The following GSTZ1 variants were observed in gnomAD, a reference collection of about 807,000 sequenced individuals.
The protein encoded by GSTZ1 is maleylacetoacetate isomerase.
A neutral mutation model predicts 35.9 loss-of-function variants in GSTZ1; 34 were observed. The ratio of observed to expected loss-of-function variants is 0.95; its 90% CI spans 0.72 to 1.26. The LOEUF is 1.26. GSTZ1 is among the 50% of genes most tolerant of loss of function. GSTZ1 has a pLI of 0.00. For missense variants in GSTZ1, 263 were observed against 271.7 expected, an observed-to-expected ratio of 0.97 and a Z score of 0.23; for synonymous variants, 93 against 101.2, an observed-to-expected ratio of 0.92 and a Z score of 0.49.
Position 77,327,664 on chromosome 14 carries a change from C to G in GSTZ1, c.216+112C>G. 8 of 811,102 alleles carry G rather than the reference C, an allele frequency of 9.9e-6. No homozygotes were observed. In the Admixed American group the frequency reaches 1.6e-4, roughly 17 times the overall value. The allele number at this position is 811,102 out of a possible 1,614,324, so 50.2% of individuals were successfully genotyped here. The stretch of plus-strand genomic sequence containing the variant: ...CAAGGTGCCTAGCACATAGGAGAGG[C>G]TCAATACAAGACTCGTGGGGAGGGT... On this transcript the variant is annotated intron_variant, in intron 4 of 8. Coordinates refer to ENST00000216465, the MANE Select transcript of GSTZ1 (RefSeq NM_145870.3).
chr14:77,321,851 C>G (rs1411424943), intron 1 of GSTZ1, among the ~76,000 whole-genome samples: 1 of 151,358 alleles, frequency 6.6e-6, no homozygotes, highest in Non-Finnish European at 1.5e-5. Context: ...CCACTGCACT[C>G]CAGCCTGGGC....
chr14:77,324,944 G>A, intron 2 of GSTZ1, 23 bp downstream of exon 2: 1 of 1,592,594 alleles, frequency 6.3e-7, no homozygotes, highest in Non-Finnish European at 8.6e-7. Context: ...CCTCCTCCAG[G>A]ATGAGTGCTG....
chr14:77,329,227 C>T, intron 6 of GSTZ1, 26 bp downstream of exon 6: 1 of 1,427,196 alleles, frequency 7.0e-7, no homozygotes, highest in African/African-American at 1.4e-5. Context: ...TGTGAGCTGC[C>T]CCACAGTGGC....
chr14:77,330,342 G>T lies in GSTZ1; in HGVS notation c.507G>T (p.Gln169His). The T allele has an allele frequency of 6.2e-7, 1 of 1,613,850 alleles. No homozygotes were observed. The highest frequency in any genetic ancestry group is 8.5e-7 in the Non-Finnish European group (1 of 1,179,734). ...VTMADLCLVP[Q>H]VANAERFKVD... Reference sequence around the variant, plus strand: ...TGGCTGATCTGTGCTTGGTGCCTCAGGTGGCAAATGCTGAAAGGTAAGAGA... The same window carrying T: ...TGGCTGATCTGTGCTTGGTGCCTCATGTGGCAAATGCTGAAAGGTAAGAGA... Residue 169 changes from glutamine to histidine, a missense_variant, in exon 8 of 9, where the codon CAG becomes CAT. By Grantham distance (24) the Gln-to-His change is conservative. Coordinates refer to ENST00000216465, the MANE Select transcript of GSTZ1 (RefSeq NM_145870.3).
chr14:77,329,922 TG>T, intron 7 of GSTZ1, 115 bp downstream of exon 7: 1 of 800,204 alleles, frequency 1.2e-6, no homozygotes. Context: ...CTCTGTGCCA[TG>T]GGGCACTCCT....
At position 77,328,008 on chromosome 14, in the gene GSTZ1, C is replaced by G; in HGVS notation, c.313C>G (p.Leu105Val). 6.2e-7 allele frequency: 1 copy of G among 1,614,032 alleles called. No homozygotes were observed. The highest frequency in any genetic ancestry group is 1.1e-5 in the South Asian group (1 of 91,048). Residue 105 changes from leucine (L) to valine (V), a missense_variant, in exon 5 of 9, where the codon CTC becomes GTC. By Grantham distance (32) the Leu-to-Val change is conservative. Coordinates refer to ENST00000216465, the MANE Select transcript of GSTZ1 (RefSeq NM_145870.3). Reference protein sequence around the residue: ...KRASVRMISDLIAGGIQPLQN... With the variant: ...KRASVRMISDVIAGGIQPLQN... ...GGCCAGCGTGCGTATGATTTCTGAC[C>G]TCATCGCTGGTGGCATCCAGCCCCT...
At position 77,331,485 on chromosome 14, in the gene GSTZ1, G is replaced by A. The variant is rs141460125; in HGVS notation, c.*290G>A. 2,722 of 351,558 alleles carry A rather than the reference G, an allele frequency of 7.7e-3. 19 individuals are homozygous for A. Among genetic ancestry groups the A allele is most frequent in the South Asian group, 0.017 (296 of 16,920 alleles). 21.8% of individuals were successfully genotyped at this position (351,558 alleles called of 1,614,324 possible). A position where few individuals can be genotyped will look rare whatever the true frequency, so the allele number is the denominator to read the frequency against. ...GATTAAAATGCCTGGCGTGCTCACC[G>A]TAACACCACGGGGAAGGCTGTGTGC... On this transcript the variant is annotated 3_prime_UTR_variant, in exon 9 of 9. Transcript: ENST00000216465.
At chr14:77,321,636 C>T in intron 1 of GSTZ1, 1 of 728,280 alleles carries the variant, frequency 1.4e-6, no homozygotes, top group Non-Finnish European at 1.9e-6. Flanking sequence ...GTAATCCCAG[C>T]ACTTTGGGAG....
chr14:77,327,581 C>A, intron 4 of GSTZ1, 29 bp downstream of exon 4: 1 of 1,429,374 alleles, frequency 7.0e-7, no homozygotes, highest in Non-Finnish European at 9.8e-7. Context: ...GGAGGGCCCT[C>A]ATGAGAGCAG....
Position 77,321,134 on chromosome 14 carries a change from C to T in GSTZ1, c.-35C>T, listed in dbSNP as rs369732975. 2.8e-6 allele frequency: 4 copies of T among 1,445,554 alleles called. No individual in the cohort carries two copies. The South Asian group carries it at 4.4e-5, about 16-fold the overall frequency. 89.5% of individuals were successfully genotyped at this position (1,445,554 alleles called of 1,614,324 possible). Reference sequence around the variant, plus strand: ...TCGGCAGGTCCCAGGCGCGAAGTTTCTCGGCCTGGAGGAGGGGGTCGCGCG... The same window carrying T: ...TCGGCAGGTCCCAGGCGCGAAGTTTTTCGGCCTGGAGGAGGGGGTCGCGCG... On this transcript the variant is annotated 5_prime_UTR_variant, in exon 1 of 9. Coordinates refer to ENST00000216465, the MANE Select transcript of GSTZ1 (RefSeq NM_145870.3).
At position 77,326,920 on chromosome 14, in the gene GSTZ1, C is replaced by T. The variant is rs80205602; in HGVS notation, c.135+15C>T. The T allele has an allele frequency of 2.2e-4, 341 of 1,575,230 alleles. 7 individuals are homozygous for T. In the East Asian group the frequency reaches 7.3e-3, roughly 34 times the overall value. On this transcript the variant is annotated intron_variant, in intron 3 of 8. Coordinates refer to ENST00000216465, the MANE Select transcript of GSTZ1 (RefSeq NM_145870.3). ...GGGGCCAACAGGTAAGAAGGCTGTG[C>T]CCAGACCACAATGTGGGAATTGGAG...
At chr14:77,325,708 T>G (rs1162326087) in intron 2 of GSTZ1, 2 of 152,108 alleles carry the variant, frequency 1.3e-5, no homozygotes, top group African/African-American at 4.8e-5. Context: ...CCAAGAAGCT[T>G]GCCTCCAGAG....
Position 77,331,302 on chromosome 14 carries a change from C to G in GSTZ1, c.*107C>G. ...ATTGAGGAGATGGGAGACTCGAACT[C>G]TAGCCCTGGATCTGCCTTCCTGCTG... On this transcript the variant is annotated 3_prime_UTR_variant, in exon 9 of 9. Coordinates refer to ENST00000216465, the MANE Select transcript of GSTZ1 (RefSeq NM_145870.3). 1 of 1,289,696 alleles carries G rather than the reference C, an allele frequency of 7.8e-7. No homozygotes were observed. Among genetic ancestry groups the G allele is most frequent in the Non-Finnish European group, 1.0e-6 (1 of 952,464 alleles). The allele number at this position is 1,289,696 out of a possible 1,614,324, so 79.9% of individuals were successfully genotyped here. A position where few individuals can be genotyped will look rare whatever the true frequency, so the allele number is the denominator to read the frequency against.
At chr14:77,324,749 T>C (rs905343836) in intron 1 of GSTZ1, 121 bp from the exon 2 acceptor site, 62 of 1,180,298 alleles carry the variant, frequency 5.3e-5, no homozygotes, top group Non-Finnish European at 6.9e-5. Flanking sequence ...TCTGCCCTGA[T>C]TTGCACAGAT....
In GSTZ1 at chr14:77,331,512, T is replaced by TGTGTGCAAAGG. The variant is rs1281564162; in HGVS notation, c.*317_*318insGTGTGCAAAGG. The TGTGTGCAAAGG allele has an allele frequency of 1.5e-5, 4 of 271,414 alleles. No homozygotes were observed. The highest frequency in any genetic ancestry group is 2.2e-3 in the Middle Eastern group (2 of 912). 16.8% of individuals were successfully genotyped at this position (271,414 alleles called of 1,614,324 possible). ...AACACCACGGGGAAGGCTGTGTGCC[T>TGTGTGCAAAGG]TTTCTCATCCGCTTTTGTTGTGTGT... is the stretch of plus-strand genomic sequence containing the variant. On this transcript the variant is annotated 3_prime_UTR_variant, in exon 9 of 9. Transcript: ENST00000216465.
intron 7 of GSTZ1, 156 bp from the exon 8 acceptor site, chr14:77,330,154 A>T (rs1484682895): frequency 2.1e-5 from 16 of 775,576 alleles, no homozygotes; most frequent in Non-Finnish European, 2.8e-5. Context: ...GGACAGACTC[A>T]TGCAGGCCTA....
At chr14:77,325,012 G>T (rs1236053162) in intron 2 of GSTZ1, 91 bp downstream of exon 2, 1 of 1,107,778 alleles carries the variant, frequency 9.0e-7, no homozygotes, top group Non-Finnish European at 1.4e-6. Context: ...GGATGGAAGG[G>T]TTGCTCTGTC....
intron 8 of GSTZ1, 76 bp downstream of exon 8, chr14:77,330,435 A>G (rs1892564834): frequency 8.3e-7 from 1 of 1,200,528 alleles, no homozygotes; most frequent in African/African-American, 1.5e-5. Context: ...GCGAGATAGC[A>G]TCTCATGCAG....
chr14:77,330,236 C>T lies in GSTZ1; in HGVS notation c.475-74C>T, dbSNP rs759740974. 3 of 1,008,318 alleles carry T rather than the reference C, an allele frequency of 3.0e-6. No homozygotes were observed. In the South Asian group the frequency reaches 3.8e-5, roughly 13 times the overall value. The allele number at this position is 1,008,318 out of a possible 1,614,324, so 62.5% of individuals were successfully genotyped here. ...ATTGTTGGTACCCCCAGTAGAGTCG[C>T]AGTGGACACACCCAGTCCAGCCACT... is the stretch of plus-strand genomic sequence containing the variant. On this transcript the variant is annotated intron_variant, in intron 7 of 8. Transcript: ENST00000216465.
Sources: allele counts gnomAD v4.1 joint callset (sites outside exome capture counted in the v4.1 genomes callset), GRCh38; gene constraint gnomAD v4.1.1; transcripts MANE v1.5; gene names NCBI Gene and HGNC (gene_info 2026-07-23, HGNC 2026-07-21).